The following ADAM22 variants were observed in gnomAD, a reference collection of about 807,000 sequenced individuals.
The protein encoded by ADAM22 is disintegrin and metalloproteinase domain-containing protein 22.
In ADAM22, 65 loss-of-function variants were observed where a neutral mutation model predicts 144.6. That is an observed-to-expected ratio of 0.45 (90% confidence interval 0.37 to 0.55). The LOEUF (loss-of-function observed/expected upper bound fraction) is 0.55, where lower values mean the gene tolerates loss of function less well. ADAM22 is among the 20% of genes least tolerant of loss of function. The pLI is 0.00. For synonymous variants in ADAM22, 391 were observed against 412.6 expected (o/e 0.95, Z 0.63); for missense variants, 974 against 1,184.9 (o/e 0.82, Z 2.61).
At chr7:88,145,294 T>A in intron 16 of ADAM22, 98 bp downstream of exon 16, 1 of 1,499,684 alleles carries the variant, frequency 6.7e-7, no homozygotes, top group Non-Finnish European at 9.2e-7. Context: ...TGCCTGGAAT[T>A]TTATAGGATT....
intron 3 of ADAM22, among the ~76,000 whole-genome samples, chr7:88,018,356 A>G (rs1305019155): frequency 6.6e-6 from 1 of 152,168 alleles, no homozygotes; most frequent in Non-Finnish European, 1.5e-5. Context: ...GTTAATAACA[A>G]TTAAAAAGGA....
chr7:87,986,923 C>G (rs1788618803), intron 3 of ADAM22, among the ~76,000 whole-genome samples: 1 of 151,960 alleles, frequency 6.6e-6, no homozygotes, highest in Admixed American at 6.6e-5. Context: ...AAGGAAAATA[C>G]CACATACATA....
Position 88,163,081 on chromosome 7 carries a change from C to A in ADAM22, c.1977C>A (p.Pro659=), listed in dbSNP as rs1389586567. The change falls in exon 23 of 32, where the codon CCC becomes CCA. Residue 659 remains proline (P), a synonymous_variant. Coordinates refer to ENST00000413139, the MANE Select transcript of ADAM22 (RefSeq NM_001324418.2). ...TGGAAGATGGGACACCTTGTGGTCCCCAAATGATGTGCTTAGAACACAGGT... is the reference window on the plus strand; with the variant it reads ...TGGAAGATGGGACACCTTGTGGTCCACAAATGATGTGCTTAGAACACAGGT... The part of the protein sequence containing the change: ...GYVEDGTPCG[P]QMMCLEHRCL... 6.2e-7 allele frequency: 1 copy of A among 1,611,550 alleles called. No individual in the cohort carries two copies. Among genetic ancestry groups the A allele is most frequent in the Non-Finnish European group, 8.5e-7 (1 of 1,178,796 alleles).
chr7:87,966,008 T>C (rs1445945535), intron 2 of ADAM22, among the ~76,000 whole-genome samples: 1 of 152,236 alleles, frequency 6.6e-6, no homozygotes, highest in Non-Finnish European at 1.5e-5. Flanking sequence ...TTTTATATAC[T>C]CTCTTCACCA....
At chr7:87,964,010 T>C (rs905435809) in intron 2 of ADAM22, among the ~76,000 whole-genome samples, 4 of 152,234 alleles carry the variant, frequency 2.6e-5, no homozygotes, top group Admixed American at 6.5e-5. Flanking sequence ...TAATAAGATA[T>C]ATTTCAGAGC....
intron 2 of ADAM22, among the ~76,000 whole-genome samples, chr7:87,970,644 A>G (rs1850211302): frequency 6.6e-6 from 1 of 152,212 alleles, no homozygotes; most frequent in African/African-American, 2.4e-5. Flanking sequence ...TCTCTGGGAT[A>G]GGTAGGTTGG....
At chr7:88,118,059 G>A (rs1252147509) in intron 7 of ADAM22, among the ~76,000 whole-genome samples, 1 of 151,904 alleles carries the variant, frequency 6.6e-6, no homozygotes, top group Non-Finnish European at 1.5e-5. Context: ...TGTTATTCCC[G>A]GTTTGTAGAT....
intron 5 of ADAM22, among the ~76,000 whole-genome samples, chr7:88,108,643 C>T (rs1316975272): frequency 1.3e-5 from 2 of 151,910 alleles, no homozygotes; most frequent in African/African-American, 4.8e-5. Context: ...GCAGGAGAAT[C>T]ACTTGAACCT....
chr7:88,066,669 A>T (rs1811331005), intron 3 of ADAM22, among the ~76,000 whole-genome samples: 1 of 152,122 alleles, frequency 6.6e-6, no homozygotes, highest in African/African-American at 2.4e-5. Context: ...AAAGAGGAGG[A>T]TCAAGTACTG....
chr7:88,058,138 C>T (rs1808799429), intron 3 of ADAM22, among the ~76,000 whole-genome samples: 2 of 152,044 alleles, frequency 1.3e-5, no homozygotes, highest in South Asian at 4.1e-4. Flanking sequence ...GAAGAATGGA[C>T]AAGTGGTAAC....
intron 4 of ADAM22, among the ~76,000 whole-genome samples, chr7:88,080,562 G>GT (rs1057451101): frequency 1.6e-4 from 25 of 152,018 alleles, no homozygotes; most frequent in South Asian, 4.2e-4. Flanking sequence ...CCAGGAGCTG[G>GT]TTTTTTTTAA....
intron 4 of ADAM22, among the ~76,000 whole-genome samples, chr7:88,099,566 A>G (rs1563212797): frequency 6.6e-6 from 1 of 152,226 alleles, no homozygotes; most frequent in African/African-American, 2.4e-5. Flanking sequence ...AGGATAGTCC[A>G]GAAGAATCTC....
At chr7:87,943,023 A>G (rs762789648) in intron 2 of ADAM22, among the ~76,000 whole-genome samples, 8 of 152,036 alleles carry the variant, frequency 5.3e-5, no homozygotes, top group Non-Finnish European at 1.0e-4. Context: ...GAAAACATGT[A>G]GTTGAATGTG....
At chr7:88,020,684 C>A (rs1797636962) in intron 3 of ADAM22, among the ~76,000 whole-genome samples, 1 of 152,132 alleles carries the variant, frequency 6.6e-6, no homozygotes, top group South Asian at 2.1e-4. Context: ...CCCAGGCAGT[C>A]CCTGAGATCA....
intron 5 of ADAM22, among the ~76,000 whole-genome samples, chr7:88,111,330 A>G (rs1018469108): frequency 6.6e-6 from 1 of 151,914 alleles, no homozygotes; most frequent in African/African-American, 2.4e-5. Context: ...ATATTATGTC[A>G]TCCATGACTC....
chr7:87,949,446 T>A lies in ADAM22; in HGVS notation c.246+14260T>A, dbSNP rs1014287058. Among the ~76,000 whole-genome samples the A allele has an allele frequency of 3.3e-5, 5 of 152,256 alleles. No homozygotes were observed. The East Asian group carries it at 9.6e-4, about 29-fold the overall frequency. Reference sequence around the variant, plus strand: ...AATCATTCATGTCACTTTATAGCCCTGTCTTTTCCAACAAAAATAAATTCA... The same window carrying A: ...AATCATTCATGTCACTTTATAGCCCAGTCTTTTCCAACAAAAATAAATTCA... On this transcript the variant is annotated intron_variant, in intron 2 of 31. Transcript: ENST00000413139.
intron 4 of ADAM22, among the ~76,000 whole-genome samples, chr7:88,079,516 T>C (rs1346437300): frequency 6.6e-6 from 1 of 152,130 alleles, no homozygotes; most frequent in Non-Finnish European, 1.5e-5. Flanking sequence ...TAAATGTAAA[T>C]GGGCTAAATG....
chr7:88,043,862 A>T (rs1370497684), intron 3 of ADAM22, among the ~76,000 whole-genome samples: 1 of 152,234 alleles, frequency 6.6e-6, no homozygotes, highest in Non-Finnish European at 1.5e-5. Flanking sequence ...CCATATGTGG[A>T]TGTAAATTGT....
At chr7:87,962,089 A>G (rs1848119969) in intron 2 of ADAM22, among the ~76,000 whole-genome samples, 1 of 152,228 alleles carries the variant, frequency 6.6e-6, no homozygotes, top group South Asian at 2.1e-4. Flanking sequence ...TAACACAGGA[A>G]CACAGGTCAA....
Sources: allele counts gnomAD v4.1 joint callset (sites outside exome capture counted in the v4.1 genomes callset), GRCh38; gene constraint gnomAD v4.1.1; transcripts MANE v1.5; gene names NCBI Gene and HGNC (gene_info 2026-07-23, HGNC 2026-07-21).